Variants in TMEM131 observed in about 807,000 individuals in gnomAD.
The protein encoded by TMEM131 is transmembrane protein 131, also known as 2610524E03Rik.
A neutral mutation model predicts 211.6 loss-of-function variants in TMEM131; 66 were observed. The observed-to-expected ratio is 0.31, with a 90% confidence interval of 0.26 to 0.38. TMEM131 has a LOEUF of 0.38. Among genes scored for constraint, TMEM131 ranks in the 10% least tolerant of loss-of-function variants. The probability of loss-of-function intolerance (pLI) is 1.00; values close to 1 mark genes in which losing one functional copy is unlikely to be tolerated. For missense variants in TMEM131, 2,036 were observed against 2,299.3 expected (o/e 0.89, Z 2.34); for synonymous variants, 844 against 841.3 (o/e 1.00, Z -0.06).
Position 97,757,294 on chromosome 2 carries a change from G to A in TMEM131, c.5457C>T (p.Phe1819=). The A allele has an allele frequency of 1.9e-6, 3 of 1,613,998 alleles. No homozygotes were observed. The highest frequency in any genetic ancestry group is 2.5e-6 in the Non-Finnish European group (3 of 1,179,906). Residue 1819 remains phenylalanine, a synonymous_variant, in exon 41 of 41, where the codon TTC becomes TTT. Coordinates refer to ENST00000186436, the MANE Select transcript of TMEM131 (RefSeq NM_015348.2). ...TTGCCAGCGTGTTTGCTGGAGTGGT[G>A]AAGGGAAGGGCGCTGCTAAGGTTGC... ...WSSNLSSALP[F]TTPANTLASI... is the part of the protein sequence containing the mutation.
intron 5 of TMEM131, among the ~76,000 whole-genome samples, chr2:97,855,465 T>G (rs1017185115): frequency 1.3e-4 from 20 of 152,320 alleles, no homozygotes; most frequent in South Asian, 1.2e-3. Context: ...TTTGGGAGGC[T>G]GAGGCAGGCA....
chr2:97,916,275 T>C (rs1325058427), intron 2 of TMEM131, among the ~76,000 whole-genome samples: 4 of 152,174 alleles, frequency 2.6e-5, no homozygotes, highest in African/African-American at 9.7e-5. Flanking sequence ...TGTACTACAA[T>C]AGAGGGCAGG....
chr2:97,848,563 T>C (rs1325814742), intron 5 of TMEM131, among the ~76,000 whole-genome samples: 1 of 152,244 alleles, frequency 6.6e-6, no homozygotes, highest in African/African-American at 2.4e-5. Flanking sequence ...AAGTAGTTTA[T>C]ACTGTATTAT....
At position 97,865,594 on chromosome 2, in the gene TMEM131, T is replaced by TA. The variant is rs536282539; in HGVS notation, c.360-6168dup. 6.9e-4 allele frequency among the ~76,000 whole-genome samples: 105 copies of TA among 152,354 alleles called. 1 individual carries two copies. Among genetic ancestry groups the TA allele is most frequent in the African/African-American group, 2.4e-3 (101 of 41,590 alleles). On this transcript the variant is annotated intron_variant, in intron 4 of 40. Coordinates refer to ENST00000186436, the MANE Select transcript of TMEM131 (RefSeq NM_015348.2). ...TTAAACCAACCCTGCATTCTTGAGATAAATGTCACTTGGTCATGGTGTACA... is the reference window on the plus strand; with the variant it reads ...TTAAACCAACCCTGCATTCTTGAGATAAAATGTCACTTGGTCATGGTGTACA...
chr2:97,838,320 G>A (rs1350188554), intron 7 of TMEM131, among the ~76,000 whole-genome samples: 1 of 151,094 alleles, frequency 6.6e-6, no homozygotes, highest in African/African-American at 2.4e-5. Flanking sequence ...AATTTGGGGT[G>A]AAGTATGAGA....
At chr2:97,758,060 AG>A (rs1264899686) in intron 40 of TMEM131, among the ~76,000 whole-genome samples, 2 of 151,312 alleles carry the variant, frequency 1.3e-5, no homozygotes, top group Non-Finnish European at 2.9e-5. Context: ...TGAACCCAGG[AG>A]GCGGAGCTTG....
At chr2:97,956,649 T>C (rs1188135708) in intron 1 of TMEM131, among the ~76,000 whole-genome samples, 1 of 151,928 alleles carries the variant, frequency 6.6e-6, no homozygotes, top group Non-Finnish European at 1.5e-5. Flanking sequence ...TTATATATAT[T>C]TAAAAATATT....
chr2:97,893,512 C>T (rs1420572017), intron 3 of TMEM131, among the ~76,000 whole-genome samples: 3 of 152,110 alleles, frequency 2.0e-5, no homozygotes, highest in African/African-American at 2.4e-5. Context: ...CCACCAACAG[C>T]GTAAAAGCGT....
At chr2:97,783,060 A>C (rs1680090156) in intron 31 of TMEM131, among the ~76,000 whole-genome samples, 1 of 152,102 alleles carries the variant, frequency 6.6e-6, no homozygotes, top group African/African-American at 2.4e-5. Flanking sequence ...AACTAAAGAC[A>C]AAAAAACCTT....
At chr2:97,971,893 T>C (rs904162457) in intron 1 of TMEM131, among the ~76,000 whole-genome samples, 5 of 151,998 alleles carry the variant, frequency 3.3e-5, no homozygotes, top group African/African-American at 1.2e-4. Context: ...TAAAATCCTA[T>C]ATAGACAATT....
chr2:97,843,180 C>T (rs1327308564), intron 6 of TMEM131, among the ~76,000 whole-genome samples: 1 of 151,994 alleles, frequency 6.6e-6, no homozygotes, highest in East Asian at 1.9e-4. Flanking sequence ...CTTACAAAGA[C>T]ATGAGTTTGA....
intron 8 of TMEM131, 23 bp from the exon 9 acceptor site, chr2:97,834,948 TG>T: frequency 6.2e-7 from 1 of 1,612,078 alleles, no homozygotes; most frequent in Non-Finnish European, 8.5e-7. Context: ...CAGACCATAA[TG>T]TAGCACAGCT....
chr2:97,969,786 A>G (rs1161432753), intron 1 of TMEM131, among the ~76,000 whole-genome samples: 1 of 152,240 alleles, frequency 6.6e-6, no homozygotes, highest in African/African-American at 2.4e-5. Flanking sequence ...CTGATATCTA[A>G]CCACATGCTC....
intron 32 of TMEM131, among the ~76,000 whole-genome samples, chr2:97,773,370 A>C (rs1679557715): frequency 6.6e-6 from 1 of 151,410 alleles, no homozygotes; most frequent in African/African-American, 2.4e-5. Flanking sequence ...GGAGGGAGAC[A>C]CACGACAGAC....
At position 97,995,742 on chromosome 2, in the gene TMEM131, T is replaced by G. The variant is rs1399304598; in HGVS notation, c.-80A>C. On this transcript the variant is annotated 5_prime_UTR_variant, in exon 1 of 41. Coordinates refer to ENST00000186436, the MANE Select transcript of TMEM131 (RefSeq NM_015348.2). ...GGCGGCGGCGGCGCGGAAGCCGTGG[T>G]CCGGGCTCTGGCCGCGGCGCCGGGA... The G allele has an allele frequency of 3.7e-6, 4 of 1,071,938 alleles. No individual in the cohort carries two copies. Among genetic ancestry groups the G allele is most frequent in the Non-Finnish European group, 4.6e-6 (4 of 867,234 alleles). 66.4% of individuals were successfully genotyped at this position (1,071,938 alleles called of 1,614,324 possible).
intron 11 of TMEM131, among the ~76,000 whole-genome samples, chr2:97,825,302 C>T (rs1228051841): frequency 2.0e-5 from 3 of 152,206 alleles, no homozygotes; most frequent in South Asian, 2.1e-4. Flanking sequence ...TCTAGCTAAT[C>T]AAGGGTACAA....
intron 12 of TMEM131, among the ~76,000 whole-genome samples, chr2:97,817,329 G>A (rs564772625): frequency 3.3e-5 from 5 of 152,176 alleles, no homozygotes; most frequent in African/African-American, 1.2e-4. Context: ...GCCTCACGTC[G>A]GTAATCCCAG....
Position 97,832,004 on chromosome 2 carries a change from C to CAAAAAAAAAAAA in TMEM131, c.1074+1349_1074+1360dup, listed in dbSNP as rs770432398. On this transcript the variant is annotated intron_variant, in intron 11 of 40. Transcript: ENST00000186436. Reference sequence around the variant, plus strand: ...TTTTTATAGTTGTGTAAGTCACTTCCAAAAAAAAAAAAAAAAAAAAAAGCA... The same window carrying CAAAAAAAAAAAA: ...TTTTTATAGTTGTGTAAGTCACTTCCAAAAAAAAAAAAAAAAAAAAAAAAAAAAAAAAAAGCA... Among the ~76,000 whole-genome samples the CAAAAAAAAAAAA allele has an allele frequency of 3.3e-4, 20 of 60,264 alleles. 3 individuals are homozygous for CAAAAAAAAAAAA. Among genetic ancestry groups the CAAAAAAAAAAAA allele is most frequent in the Non-Finnish European group, 3.7e-4 (13 of 34,736 alleles). The allele number at this position is 60,264 out of a possible 152,430, so 39.5% of individuals were successfully genotyped here.
chr2:97,940,902 A>G (rs13410008), intron 1 of TMEM131, among the ~76,000 whole-genome samples: 52,225 of 151,636 alleles, frequency 0.34, 9,865 homozygotes, highest in Middle Eastern at 0.48. Context: ...TACTGCCCAA[A>G]GTAATTTACA....
Sources: allele counts gnomAD v4.1 joint callset (sites outside exome capture counted in the v4.1 genomes callset), GRCh38; gene constraint gnomAD v4.1.1; transcripts MANE v1.5; gene names NCBI Gene and HGNC (gene_info 2026-07-23, HGNC 2026-07-21).